ATP6V1E1: variants seen among roughly 807,000 people sequenced by gnomAD.
ATP6V1E1 encodes the protein V-type proton ATPase subunit E 1.
In ATP6V1E1, 21 loss-of-function variants were observed where a neutral mutation model predicts 35.2. The observed-to-expected ratio is 0.60, with a 90% confidence interval of 0.42 to 0.86. ATP6V1E1 has a LOEUF of 0.86. Ranked by LOEUF, ATP6V1E1 falls within the 40% of genes least tolerant of loss-of-function variation. ATP6V1E1 has a pLI of 0.00. For missense variants in ATP6V1E1, 183 were observed against 272.6 expected (o/e 0.67, Z 2.32); for synonymous variants, 83 against 87.8 (o/e 0.95, Z 0.30).
Position 17,628,723 on chromosome 22 carries a change from C to A in ATP6V1E1, c.-88G>T, listed in dbSNP as rs1038916041. ...GAGAAATCGGCAAAGGGAACCCCTG[C>A]GCAGATCTCGGGTTCCTTTACTTTA... On this transcript the variant is annotated 5_prime_UTR_variant, in exon 1 of 9. Coordinates refer to ENST00000253413, the MANE Select transcript of ATP6V1E1 (RefSeq NM_001696.4). 1.9e-6 allele frequency: 3 copies of A among 1,564,216 alleles called. No individual in the cohort carries two copies. Among genetic ancestry groups the A allele is most frequent in the Non-Finnish European group, 1.8e-6 (2 of 1,135,716 alleles).
intron 4 of ATP6V1E1, among the ~76,000 whole-genome samples, chr22:17,610,745 A>G (rs1457087310): frequency 6.6e-6 from 1 of 152,250 alleles, no homozygotes; most frequent in Non-Finnish European, 1.5e-5. Context: ...TGAAAAGACT[A>G]TAGTCAAGAG....
intron 2 of ATP6V1E1, among the ~76,000 whole-genome samples, chr22:17,616,551 C>T (rs546112512): frequency 6.6e-6 from 1 of 151,104 alleles, no homozygotes; most frequent in Admixed American, 6.6e-5. Context: ...TGATGGCATG[C>T]GCCTGTAGTC....
chr22:17,599,947 G>T, intron 6 of ATP6V1E1, 80 bp downstream of exon 6: 3 of 1,089,810 alleles, frequency 2.8e-6, no homozygotes, highest in African/African-American at 1.8e-5. Flanking sequence ...AAGGAAGGAA[G>T]GAAGGAAAAG....
chr22:17,628,769 T>G, upstream of ATP6V1E1: 1 of 1,229,450 alleles, frequency 8.1e-7, no homozygotes, highest in Non-Finnish European at 1.2e-6. Context: ...TTCCGGTTCC[T>G]GCCAGGTGAC....
intron 1 of ATP6V1E1, among the ~76,000 whole-genome samples, chr22:17,621,071 AAT>A (rs1555863291): frequency 9.9e-5 from 15 of 152,052 alleles, no homozygotes; most frequent in African/African-American, 3.1e-4. Flanking sequence ...CAAAAAAAAA[AAT>A]AGTTCTTTAC....
intron 1 of ATP6V1E1, among the ~76,000 whole-genome samples, chr22:17,626,671 C>T (rs2057907600): frequency 6.6e-6 from 1 of 151,896 alleles, no homozygotes; most frequent in South Asian, 2.1e-4. Context: ...GTTGGGATTA[C>T]AGGCATATGC....
chr22:17,600,428 C>T (rs549730274), intron 5 of ATP6V1E1, among the ~76,000 whole-genome samples: 218 of 152,196 alleles, frequency 1.4e-3, no homozygotes, highest in Admixed American at 4.4e-3. Flanking sequence ...CAGAGTGAGA[C>T]TCTGTCTCCA....
At chr22:17,596,952 T>C (rs934095140) in intron 7 of ATP6V1E1, among the ~76,000 whole-genome samples, 3 of 151,986 alleles carry the variant, frequency 2.0e-5, no homozygotes, top group Non-Finnish European at 4.4e-5. Flanking sequence ...CTTCAAAATG[T>C]GTCCAAGGCA....
chr22:17,617,769 G>T (rs2057854235), intron 2 of ATP6V1E1, among the ~76,000 whole-genome samples: 1 of 151,952 alleles, frequency 6.6e-6, no homozygotes, highest in Admixed American at 6.6e-5. Flanking sequence ...AATGGGTGGG[G>T]TTTTCATTTT....
At position 17,612,886 on chromosome 22, in the gene ATP6V1E1, A is replaced by G. The variant is rs1391532693; in HGVS notation, c.210-8T>C. ...ATCAAATTGGACATCTGACTGCAAA[A>G]CGGTATTGAAAAATAGCATTAGTAA... On this transcript the variant is annotated splice_region_variant and splice_polypyrimidine_tract_variant and intron_variant, in intron 3 of 8. Coordinates refer to ENST00000253413, the MANE Select transcript of ATP6V1E1 (RefSeq NM_001696.4). 26 of 1,602,684 alleles carry G rather than the reference A, an allele frequency of 1.6e-5. No individual in the cohort carries two copies. Among genetic ancestry groups the G allele is most frequent in the Non-Finnish European group, 2.0e-5 (24 of 1,177,078 alleles).
chr22:17,613,939 C>T (rs1017261677), intron 2 of ATP6V1E1, among the ~76,000 whole-genome samples: 3 of 152,278 alleles, frequency 2.0e-5, no homozygotes, highest in African/African-American at 7.2e-5. Flanking sequence ...TGCACTCTAG[C>T]CTGGGCGACA....
At chr22:17,619,957 T>A (rs536361034) in intron 1 of ATP6V1E1, among the ~76,000 whole-genome samples, 19 of 152,276 alleles carry the variant, frequency 1.2e-4, no homozygotes, top group Middle Eastern at 3.4e-3. Flanking sequence ...TGTAAGAAAG[T>A]ATGCTGAAGA....
Position 17,604,962 on chromosome 22 carries a change from T to C in ATP6V1E1, c.277-3781A>G, listed in dbSNP as rs531456631. On this transcript the variant is annotated intron_variant, in intron 4 of 8. Transcript: ENST00000253413. ...TGGGTGCGGTTGCTCACGCCTGTAA[T>C]CTCAGCACTTTGGGAGGCTGAAGCA... 9.1e-4 allele frequency among the ~76,000 whole-genome samples: 139 copies of C among 152,172 alleles called. 1 individual carries two copies. The highest frequency in any genetic ancestry group is 1.6e-3 in the Non-Finnish European group (107 of 68,004).
At chr22:17,624,050 T>A (rs1207470337) in intron 1 of ATP6V1E1, among the ~76,000 whole-genome samples, 1 of 152,212 alleles carries the variant, frequency 6.6e-6, no homozygotes, top group Admixed American at 6.5e-5. Flanking sequence ...TAAATTACCA[T>A]ACTCCCCAGG....
intron 4 of ATP6V1E1, among the ~76,000 whole-genome samples, chr22:17,609,760 C>T (rs538565849): frequency 2.4e-4 from 36 of 152,068 alleles, no homozygotes; most frequent in African/African-American, 7.5e-4. Context: ...TGAGCCACCA[C>T]GCCCAGCCCC....
intron 4 of ATP6V1E1, among the ~76,000 whole-genome samples, chr22:17,604,201 C>G (rs966862552): frequency 6.7e-6 from 1 of 149,098 alleles, no homozygotes; most frequent in Non-Finnish European, 1.5e-5. Flanking sequence ...GTGATAAGCT[C>G]CTAACATCCC....
At chr22:17,613,562 A>G (rs568919073) in intron 2 of ATP6V1E1, among the ~76,000 whole-genome samples, 5 of 151,542 alleles carry the variant, frequency 3.3e-5, no homozygotes, top group Non-Finnish European at 7.4e-5. Context: ...ACAAGTTACT[A>G]AAGGATATAA....
intron 4 of ATP6V1E1, among the ~76,000 whole-genome samples, chr22:17,608,958 C>T (rs2057799724): frequency 6.6e-6 from 1 of 151,690 alleles, no homozygotes; most frequent in Non-Finnish European, 1.5e-5. Context: ...CAGTGGCGGG[C>T]GTCTGTAGTC....
chr22:17,597,643 T>C lies in ATP6V1E1; in HGVS notation c.530+551A>G, dbSNP rs79676664. ...TGACCATAAACCAGACTTTTTTTTT[T>C]CTGAGATGCAGTCTTGCTCTGTCGC... On this transcript the variant is annotated intron_variant, in intron 7 of 8. Transcript: ENST00000253413. Among the ~76,000 whole-genome samples the C allele has an allele frequency of 3.3e-5, 5 of 152,080 alleles. No homozygotes were observed. In the East Asian group the frequency reaches 7.7e-4, roughly 23 times the overall value.
Sources: allele counts gnomAD v4.1 joint callset (sites outside exome capture counted in the v4.1 genomes callset), GRCh38; gene constraint gnomAD v4.1.1; transcripts MANE v1.5; gene names NCBI Gene and HGNC (gene_info 2026-07-23, HGNC 2026-07-21).